CELSR2: variants seen among roughly 807,000 people sequenced by gnomAD.
The protein encoded by CELSR2 is EGF-like protein 2.
A neutral mutation model predicts 251.6 loss-of-function variants in CELSR2; 81 were observed. The observed-to-expected ratio is 0.32, with a 90% CI of 0.27 to 0.39. The LOEUF (loss-of-function observed/expected upper bound fraction) is 0.39. CELSR2 is among the 10% of genes least tolerant of loss of function. CELSR2 has a pLI of 1.00. For missense variants in CELSR2, 3,365 were observed against 3,947.7 expected, an observed-to-expected ratio of 0.85 and a Z score of 3.96; for synonymous variants, 1,721 against 1,670.5, an observed-to-expected ratio of 1.03 and a Z score of -0.74.
At chr1:109,254,804 A>T (rs1376424782) in intron 1 of CELSR2, among the ~76,000 whole-genome samples, 1 of 152,114 alleles carries the variant, frequency 6.6e-6, no homozygotes, top group African/African-American at 2.4e-5. Flanking sequence ...CTTTTCAGGG[A>T]CTGTGGCTGA....
intron 5 of CELSR2, 143 bp downstream of exon 5, chr1:109,262,039 A>T: frequency 1.9e-6 from 2 of 1,064,730 alleles, no homozygotes; most frequent in East Asian, 5.2e-5. Context: ...GGAAGGTGCC[A>T]CCTTGCTGGG....
rs1438913834 is a variant in CELSR2, at chr1:109,272,331, A to G, written c.7980A>G (p.Gly2660=). ...YADGRLYQPY[G]DSAGSLHSTS... is the part of the protein sequence containing the mutation. Reference sequence around the variant, plus strand: ...ATGGGCGGCTGTACCAGCCCTACGGAGACTCGGCCGGCTCTCTGCACAGCA... The same window carrying G: ...ATGGGCGGCTGTACCAGCCCTACGGGGACTCGGCCGGCTCTCTGCACAGCA... The change falls in exon 29 of 34, where the codon GGA becomes GGG. Residue 2660 remains glycine, a synonymous_variant. Transcript: ENST00000271332. 1.6e-5 allele frequency: 25 copies of G among 1,612,260 alleles called. No individual in the cohort carries two copies. The highest frequency in any genetic ancestry group is 2.1e-5 in the Non-Finnish European group (25 of 1,178,856).
rs778686097 is a variant in CELSR2 at position 109,251,503 on chromosome 1, G to A, written c.1424G>A (p.Arg475Gln). The A allele has an allele frequency of 6.2e-6, 10 of 1,613,732 alleles. No individual in the cohort carries two copies. The highest frequency in any genetic ancestry group is 1.1e-5 in the South Asian group (1 of 91,090). The change falls in exon 1 of 34, where the codon CGA (arginine) becomes CAA (glutamine). Residue 475 changes from arginine (R) to glutamine (Q), a missense_variant. Physicochemically the swap from Arg to Gln is conservative, Grantham distance 43. Coordinates refer to ENST00000271332, the MANE Select transcript of CELSR2 (RefSeq NM_001408.3). The surrounding 1 kb of genome is among the most constrained non-coding windows in gnomAD (Gnocchi z 4.9). The stretch of plus-strand genomic sequence containing the variant: ...ACCAAGGAGTACACCCTACGGGTGC[G>A]AGCACAGGATGGTGGCCGTCCCCCA... ...ETTKEYTLRV[R>Q]AQDGGRPPLS...
intron 13 of CELSR2, 39 bp from the exon 14 acceptor site, chr1:109,265,696 G>A: frequency 3.2e-6 from 5 of 1,587,244 alleles, no homozygotes; most frequent in Non-Finnish European, 4.3e-6. Context: ...CCTGGGAAGA[G>A]AGCCTGGCCA....
chr1:109,272,795 G>A lies in CELSR2; in HGVS notation c.8144-38G>A, dbSNP rs113264627. Reference sequence around the variant, plus strand: ...TGGCTTTTACTGAAGGTGGGTGGAGGTGGCTGGGCTGGCTGTGATCTCTCC... The same window carrying A: ...TGGCTTTTACTGAAGGTGGGTGGAGATGGCTGGGCTGGCTGTGATCTCTCC... On this transcript the variant is annotated intron_variant, in intron 30 of 33. Transcript: ENST00000271332. 806 of 1,613,040 alleles carry A rather than the reference G, an allele frequency of 5.0e-4. 9 individuals are homozygous for A. In the African/African-American group the frequency reaches 8.7e-3, roughly 17 times the overall value.
In CELSR2 at chr1:109,265,799, C is replaced by G. The variant is rs1656169027; in HGVS notation, c.5792C>G (p.Ser1931Cys). ...CLLCDCYPTG[S>C]LSRVCDPEDG... Reference sequence around the variant, plus strand: ...TTGTGTGACTGCTACCCCACAGGCTCCTTGTCCAGAGTCTGTGACCCTGAG... The same window carrying G: ...TTGTGTGACTGCTACCCCACAGGCTGCTTGTCCAGAGTCTGTGACCCTGAG... Residue 1931 changes from serine to cysteine, a missense_variant, in exon 14 of 34, where the codon TCC becomes TGC. Physicochemically the swap from Ser to Cys is moderately radical, Grantham distance 112 (BLOSUM62 -1). Transcript: ENST00000271332. The G allele has an allele frequency of 1.2e-6, 2 of 1,613,998 alleles. No homozygotes were observed. Among genetic ancestry groups the G allele is most frequent in the Non-Finnish European group, 1.7e-6 (2 of 1,180,012 alleles).
chr1:109,251,612 G>A lies in CELSR2; in HGVS notation c.1533G>A (p.Gln511=), dbSNP rs116895905. Residue 511 remains glutamine, a synonymous_variant, in exon 1 of 34, where the codon CAG becomes CAA. Transcript: ENST00000271332. The surrounding 1 kb of genome is among the most constrained non-coding windows in gnomAD (Gnocchi z 4.9). ...CCATCTTCGTCAGCACCCCTTTCCA[G>A]GCTACTGTCCTGGAGAGTGTCCCCT... ...NAPIFVSTPF[Q]ATVLESVPLG... 202 of 1,613,862 alleles carry A rather than the reference G, an allele frequency of 1.3e-4. No homozygotes were observed. The East Asian group carries it at 4.1e-3, about 32-fold the overall frequency.
intron 9 of CELSR2, 35 bp from the exon 10 acceptor site, chr1:109,264,042 GT>G (rs1557733030): frequency 6.5e-7 from 1 of 1,540,546 alleles, no homozygotes; most frequent in East Asian, 2.3e-5. Context: ...GATTAAGGCC[GT>G]CTGCTGACCC....
chr1:109,263,356 C>T, intron 8 of CELSR2, 89 bp downstream of exon 8: 1 of 1,496,766 alleles, frequency 6.7e-7, no homozygotes, highest in Non-Finnish European at 8.9e-7. Context: ...GGGCAGGGCT[C>T]TGCTGAGCGG....
intron 15 of CELSR2, 28 bp from the exon 16 acceptor site, chr1:109,267,520 G>C (rs1420449263): frequency 6.2e-7 from 1 of 1,606,754 alleles, no homozygotes; most frequent in East Asian, 2.2e-5. Context: ...TCTCCCTGAG[G>C]CCGGCCCTTT....
At chr1:109,273,116 T>C in intron 31 of CELSR2, 50 bp from the exon 32 acceptor site, 1 of 1,597,672 alleles carries the variant, frequency 6.3e-7, no homozygotes, top group Non-Finnish European at 8.5e-7. Flanking sequence ...GGTGGTGGCC[T>C]CCTGGCTATC....
At position 109,265,801 on chromosome 1, in the gene CELSR2, T is replaced by G. The variant is rs138787753; in HGVS notation, c.5794T>G (p.Leu1932Val). 2.2e-3 allele frequency: 3,482 copies of G among 1,614,062 alleles called. 11 individuals carry two copies. The highest frequency in any genetic ancestry group is 6.1e-3 in the Middle Eastern group (37 of 6,060). Residue 1932 changes from leucine (L) to valine (V), a missense_variant, in exon 14 of 34, where the codon TTG becomes GTG. Physicochemically the swap from Leu to Val is conservative, Grantham distance 32 (BLOSUM62 1). This residue lies in a region of CELSR2 where 2,093 missense variants were observed against 2,382.8 expected (regional missense o/e 0.88). Coordinates refer to ENST00000271332, the MANE Select transcript of CELSR2 (RefSeq NM_001408.3). ...LLCDCYPTGS[L>V]SRVCDPEDGQ... ...GTGTGACTGCTACCCCACAGGCTCC[T>G]TGTCCAGAGTCTGTGACCCTGAGGA...
In CELSR2 at chr1:109,275,331, T is replaced by G. The variant is rs1656500855; in HGVS notation, c.*1282T>G. 1 of 152,262 alleles carries G rather than the reference T, an allele frequency of 6.6e-6. No homozygotes were observed. The highest frequency in any genetic ancestry group is 2.1e-4 in the South Asian group (1 of 4,836). The allele number at this position is 152,262 out of a possible 1,614,324, so 9.4% of individuals were successfully genotyped here. On this transcript the variant is annotated 3_prime_UTR_variant, in exon 34 of 34. Transcript: ENST00000271332. ...CCCTTCCCCTTGCCCCAGGCCATCA[T>G]CTCCCCACCTCTCCTCCCCTCTCCT...
At position 109,273,335 on chromosome 1, in the gene CELSR2, A is replaced by G. The variant is rs1360147151; in HGVS notation, c.8508A>G (p.Lys2836=). 7.5e-6 allele frequency: 12 copies of G among 1,598,960 alleles called. No homozygotes were observed. In the Admixed American group the frequency reaches 1.2e-4, roughly 16 times the overall value. ...CAGGCTCTTCTGCCCAGCCTCACAA[A>G]GGTGAGTGGGGCACCCCCAGCTGCC... ...PLPGSSAQPH[K]GILKKKCLPT... The change falls in exon 32 of 34, where the codon AAA becomes AAG. Residue 2836 remains lysine (K), a splice_region_variant and synonymous_variant. Transcript: ENST00000271332.
At chr1:109,254,321 G>A (rs779260871) in intron 1 of CELSR2, among the ~76,000 whole-genome samples, 11 of 152,198 alleles carry the variant, frequency 7.2e-5, no homozygotes, top group Non-Finnish European at 1.3e-4. Flanking sequence ...CCAGGGCGTG[G>A]GAGCCTGGCC....
At position 109,261,817 on chromosome 1, in the gene CELSR2, C is replaced by A; in HGVS notation, c.4307C>A (p.Thr1436Asn). Residue 1436 changes from threonine to asparagine, a missense_variant, in exon 5 of 34, where the codon ACC becomes AAC. Thr to Asn is a moderately conservative substitution (Grantham distance 65). Around this residue, in one of 5 missense-constraint regions of CELSR2, gnomAD observed 2,093 missense variants for 2,382.8 expected, o/e 0.88. Transcript: ENST00000271332. This position sits in a 1 kb window ranked among gnomAD's most constrained non-coding sequence, Gnocchi z 4.8. The part of the protein sequence containing the change: ...VQLTFSAGES[T>N]TTVSPFVPGG... ...CTGGTCCTTTCCCCAGGGGAGTCAA[C>A]CACCACGGTGTCCCCATTCGTGCCC... 6.3e-7 allele frequency: 1 copy of A among 1,592,320 alleles called. No homozygotes were observed. The highest frequency in any genetic ancestry group is 1.7e-4 in the Middle Eastern group (1 of 6,044).
rs766945244 is a variant in CELSR2 at position 109,264,873 on chromosome 1, T to C, written c.5470T>C (p.Tyr1824His). Residue 1824 changes from tyrosine to histidine, a missense_variant, in exon 12 of 34, where the codon TAT becomes CAT. Tyr to His is a moderately conservative substitution (Grantham distance 83). Coordinates refer to ENST00000271332, the MANE Select transcript of CELSR2 (RefSeq NM_001408.3). ...SYSCSCDPGY[Y>H]GDNCTNVCDL... ...TCTGGTCCTTCTGGTCCCAGGTTAC[T>C]ATGGTGACAACTGTACTAATGTGTG... The C allele has an allele frequency of 3.1e-6, 5 of 1,614,094 alleles. No individual in the cohort carries two copies. In the Admixed American group the frequency reaches 6.7e-5, roughly 22 times the overall value.
intron 33 of CELSR2, 168 bp downstream of exon 33, chr1:109,273,838 T>C (rs1656447082): frequency 9.7e-7 from 1 of 1,029,492 alleles, no homozygotes; most frequent in Admixed American, 2.1e-5. Flanking sequence ...CATGGTGCCT[T>C]GCGGGGAGGG....
intron 1 of CELSR2, among the ~76,000 whole-genome samples, chr1:109,253,936 C>A (rs866728869): frequency 6.6e-6 from 1 of 152,364 alleles, no homozygotes; most frequent in East Asian, 1.9e-4. Flanking sequence ...GCTGCAGAAT[C>A]GGCTGACAGG....
Sources: allele counts gnomAD v4.1 joint callset (sites outside exome capture counted in the v4.1 genomes callset), GRCh38; gene constraint gnomAD v4.1.1; regional missense constraint gnomAD v4.1.1; non-coding constraint Gnocchi (gnomAD v3.1); transcripts MANE v1.5; gene names NCBI Gene and HGNC (gene_info 2026-07-23, HGNC 2026-07-21).